EFHB: variants seen among roughly 807,000 people sequenced by gnomAD.
EFHB encodes EF-hand domain family member B.
Under a neutral mutation model 87.2 loss-of-function variants are expected in EFHB, and 91 were observed. The ratio of observed to expected loss-of-function variants is 1.04; its 90% CI spans 0.88 to 1.24. The LOEUF (loss-of-function observed/expected upper bound fraction) is 1.24, where lower values mean the gene tolerates loss of function less well. Among genes scored for constraint, EFHB ranks in the 50% most tolerant of loss-of-function variants. The pLI is 0.00. For missense variants in EFHB, 1,084 were observed against 998.8 expected (o/e 1.09, Z -1.15); for synonymous variants, 325 against 333.6 (o/e 0.97, Z 0.28).
At chr3:19,890,873 C>A (rs929599733) in intron 9 of EFHB, among the ~76,000 whole-genome samples, 2 of 152,144 alleles carry the variant, frequency 1.3e-5, no homozygotes, top group African/African-American at 4.8e-5. Context: ...ACACTGGACC[C>A]ATGGAGGCCT....
In EFHB at chr3:19,915,424, A is replaced by T. The variant is rs752751858; in HGVS notation, c.1178-11T>A. 1.3e-6 allele frequency: 2 copies of T among 1,563,390 alleles called. No homozygotes were observed. Among genetic ancestry groups the T allele is most frequent in the Non-Finnish European group, 1.8e-6 (2 of 1,140,152 alleles). On this transcript the variant is annotated splice_polypyrimidine_tract_variant and intron_variant, in intron 4 of 12. Coordinates refer to ENST00000295824, the MANE Select transcript of EFHB (RefSeq NM_144715.4). ...CTTTAGCAGAGTATTCTGAAGGAAG[A>T]ATTAATAAAATCAGTTCCAAGTCAC...
chr3:19,884,591 G>C lies in EFHB; in HGVS notation c.1958C>G (p.Pro653Arg). Residue 653 changes from proline (P) to arginine (R), a missense_variant, in exon 11 of 13, where the codon CCT becomes CGT. By Grantham distance (103) the Pro-to-Arg change is moderately radical. Transcript: ENST00000295824. The part of the protein sequence containing the change: ...IKGRKPDCVN[P>R]TEANVEEPEQ... ...AGGTTCTTCAACATTAGCCTCAGTA[G>C]GGTTTACACAATCTGGTTTTCTACC... The C allele has an allele frequency of 6.2e-7, 1 of 1,612,938 alleles. No individual in the cohort carries two copies.
chr3:19,889,795 C>T (rs139977147), intron 9 of EFHB, among the ~76,000 whole-genome samples: 3 of 152,088 alleles, frequency 2.0e-5, no homozygotes, highest in African/African-American at 4.8e-5. Flanking sequence ...ACTTTGGGAG[C>T]CTGACCAACA....
chr3:19,916,965 C>T (rs1695254554), intron 4 of EFHB, among the ~76,000 whole-genome samples: 1 of 152,060 alleles, frequency 6.6e-6, no homozygotes, highest in Non-Finnish European at 1.5e-5. Context: ...AACATTGTTT[C>T]TTTTATATAT....
chr3:19,939,423 C>T (rs1183168279), intron 1 of EFHB, among the ~76,000 whole-genome samples: 3 of 84,928 alleles, frequency 3.5e-5, no homozygotes, highest in Non-Finnish European at 5.3e-5. Context: ...CACTCTGTCG[C>T]GCCCAGGCTG....
At chr3:19,932,103 T>TCAC (rs945753393) in intron 1 of EFHB, among the ~76,000 whole-genome samples, 2 of 152,206 alleles carry the variant, frequency 1.3e-5, no homozygotes, top group African/African-American at 4.8e-5. Flanking sequence ...CTTCCCTTAC[T>TCAC]CACCACGTAG....
At chr3:19,894,813 C>A (rs1694419075) in intron 9 of EFHB, 1 of 151,652 alleles carries the variant, frequency 6.6e-6, no homozygotes, top group Admixed American at 6.6e-5. Flanking sequence ...ATGGTGAAAC[C>A]CCGTCTCTAC....
At chr3:19,945,010 A>C (rs1044787598) in intron 1 of EFHB, among the ~76,000 whole-genome samples, 2 of 152,252 alleles carry the variant, frequency 1.3e-5, no homozygotes, top group Admixed American at 1.3e-4. Context: ...AGAGTAAGGC[A>C]AAGTATTGTG....
chr3:19,911,843 G>A (rs1373198739), intron 5 of EFHB, among the ~76,000 whole-genome samples: 7 of 152,226 alleles, frequency 4.6e-5, no homozygotes, highest in Middle Eastern at 3.4e-3. Context: ...AAGCATGGTG[G>A]CTCACATTTG....
At chr3:19,924,259 G>C (rs1695540598) in intron 1 of EFHB, among the ~76,000 whole-genome samples, 1 of 150,072 alleles carries the variant, frequency 6.7e-6, no homozygotes, top group South Asian at 2.1e-4. Flanking sequence ...TGTTGCCCAG[G>C]CTGGAGTGCA....
chr3:19,899,667 T>A (rs1163829294), intron 6 of EFHB, among the ~76,000 whole-genome samples, 152 bp from the exon 7 acceptor site: 1 of 152,246 alleles, frequency 6.6e-6, no homozygotes, highest in Non-Finnish European at 1.5e-5. Context: ...GAAAGTTTTA[T>A]GTGTTCATTT....
At chr3:19,899,116 TAGAG>T (rs1263244340) in intron 7 of EFHB, among the ~76,000 whole-genome samples, 1 of 151,950 alleles carries the variant, frequency 6.6e-6, no homozygotes, top group African/African-American at 2.4e-5. Context: ...AAAGTATAAA[TAGAG>T]AGCAAGACAG....
At chr3:19,882,438 C>G in intron 12 of EFHB, 112 bp downstream of exon 12, 3 of 1,009,444 alleles carry the variant, frequency 3.0e-6, no homozygotes, top group Non-Finnish European at 4.0e-6. Flanking sequence ...GAATCCTATA[C>G]TTGGGGATCC....
At chr3:19,930,401 T>C (rs1196514277) in intron 1 of EFHB, among the ~76,000 whole-genome samples, 1 of 152,202 alleles carries the variant, frequency 6.6e-6, no homozygotes, top group South Asian at 2.1e-4. Flanking sequence ...ACTCCTCCAC[T>C]GATTCACTAA....
chr3:19,929,018 T>C lies in EFHB; in HGVS notation c.789+4212A>G, dbSNP rs192947449. Reference sequence around the variant, plus strand: ...ACATATGGAGCAATTTTCAATCTAATTATAAGTTAAAGAAACATAAATTAA... The same window carrying C: ...ACATATGGAGCAATTTTCAATCTAACTATAAGTTAAAGAAACATAAATTAA... On this transcript the variant is annotated intron_variant, in intron 1 of 12. Coordinates refer to ENST00000295824, the MANE Select transcript of EFHB (RefSeq NM_144715.4). Among the ~76,000 whole-genome samples the C allele has an allele frequency of 2.0e-5, 3 of 152,238 alleles. No homozygotes were observed. The East Asian group carries it at 5.8e-4, about 29-fold the overall frequency.
intron 11 of EFHB, among the ~76,000 whole-genome samples, chr3:19,883,768 G>C (rs903413692): frequency 6.6e-6 from 1 of 152,180 alleles, no homozygotes; most frequent in African/African-American, 2.4e-5. Flanking sequence ...AGAACACCAC[G>C]TGAAGATGAA....
At chr3:19,896,593 C>T in intron 9 of EFHB, 94 bp downstream of exon 9, 1 of 1,528,564 alleles carries the variant, frequency 6.5e-7, no homozygotes. Flanking sequence ...CTGGATTTGG[C>T]CCACAGGCTA....
At position 19,888,520 on chromosome 3, in the gene EFHB, A is replaced by G; in HGVS notation, c.1857T>C (p.Tyr619=). 12 of 1,582,584 alleles carry G rather than the reference A, an allele frequency of 7.6e-6. No individual in the cohort carries two copies. The highest frequency in any genetic ancestry group is 1.0e-5 in the Non-Finnish European group (12 of 1,162,506). The change falls in exon 10 of 13, where the codon TAT becomes TAC. Residue 619 remains tyrosine, a synonymous_variant. Coordinates refer to ENST00000295824, the MANE Select transcript of EFHB (RefSeq NM_144715.4). ...AGTTAAGAAAATTTGCGAATTCCAGATAGTTAATGAAGCCATCATTATCCA... is the reference window on the plus strand; with the variant it reads ...AGTTAAGAAAATTTGCGAATTCCAGGTAGTTAATGAAGCCATCATTATCCA... ...CDVDNDGFIN[Y]LEFANFLNWK...
intron 1 of EFHB, among the ~76,000 whole-genome samples, chr3:19,928,062 A>G (rs55669125): frequency 0.17 from 25,757 of 151,404 alleles, 2,832 homozygotes; most frequent in Non-Finnish European, 0.25. Context: ...TTTATATACT[A>G]GCGTTACCCT....
Sources: gnomAD v4.1 joint callset for allele counts (sites outside exome capture counted in the v4.1 genomes callset) on GRCh38, gnomAD v4.1.1 for gene constraint, MANE v1.5 for transcripts, NCBI Gene and HGNC (gene_info 2026-07-23, HGNC 2026-07-21) for gene names.